SEMA5A: variants seen among roughly 807,000 people sequenced by gnomAD.
SEMA5A encodes the protein semaphorin-5A.
Under a neutral mutation model 135.5 loss-of-function variants are expected in SEMA5A, and 55 were observed. The ratio of observed to expected loss-of-function variants is 0.41; its 90% CI spans 0.33 to 0.51. The LOEUF (loss-of-function observed/expected upper bound fraction) is 0.51. Ranked by LOEUF, SEMA5A falls within the 20% of genes least tolerant of loss-of-function variation. The probability of loss-of-function intolerance (pLI) is 0.37; values close to 1 mark genes in which losing one functional copy is unlikely to be tolerated. For synonymous variants in SEMA5A, 580 were observed against 546.5 expected (o/e 1.06, Z -0.85); for missense variants, 1,290 against 1,419.9 (o/e 0.91, Z 1.47).
intron 4 of SEMA5A, among the ~76,000 whole-genome samples, chr5:9,327,786 G>T (rs1204549836): frequency 6.6e-6 from 1 of 152,048 alleles, no homozygotes; most frequent in Admixed American, 6.6e-5. Context: ...ATCTCTAAGT[G>T]CTGTGAGGAT....
In SEMA5A at chr5:9,121,139, G is replaced by T. The variant is rs59073334; in HGVS notation, c.1781+1517C>A. On this transcript the variant is annotated intron_variant, in intron 14 of 22. Coordinates refer to ENST00000382496, the MANE Select transcript of SEMA5A (RefSeq NM_003966.3). ...TATATGGAACATGTTTGTATATAGG[G>T]TAGTAACTAAATAAAAGTGTATATA... 4.9e-3 allele frequency among the ~76,000 whole-genome samples: 748 copies of T among 152,246 alleles called. 6 individuals are homozygous for T. Among genetic ancestry groups the T allele is most frequent in the East Asian group, 0.024 (123 of 5,190 alleles).
At chr5:9,076,309 A>G (rs566728780) in intron 16 of SEMA5A, among the ~76,000 whole-genome samples, 58 of 152,260 alleles carry the variant, frequency 3.8e-4, no homozygotes, top group South Asian at 1.2e-3. Context: ...AGGCCCCAAA[A>G]CACAAATATC....
chr5:9,430,079 T>C (rs1316045821), intron 2 of SEMA5A, among the ~76,000 whole-genome samples: 7 of 152,108 alleles, frequency 4.6e-5, no homozygotes, highest in Non-Finnish European at 1.0e-4. Context: ...TGGTAAGATA[T>C]TGGATATATG....
At chr5:9,180,997 T>G (rs1245755220) in intron 11 of SEMA5A, among the ~76,000 whole-genome samples, 1 of 152,176 alleles carries the variant, frequency 6.6e-6, no homozygotes, top group Admixed American at 6.5e-5. Flanking sequence ...CCTCTGTACT[T>G]AAAATGAGTT....
At chr5:9,362,686 A>T (rs569487883) in intron 3 of SEMA5A, among the ~76,000 whole-genome samples, 1 of 152,344 alleles carries the variant, frequency 6.6e-6, no homozygotes, top group African/African-American at 2.4e-5. Context: ...GAGTGAACAC[A>T]GTTAATGTAC....
rs1561176950 is a variant in SEMA5A at position 9,353,121 on chromosome 5, GGAAA to G, written c.125-15313_125-15310del. Among the ~76,000 whole-genome samples, 316 of 53,640 alleles carry G rather than the reference GGAAA, an allele frequency of 5.9e-3. 1 individual carries two copies. Among genetic ancestry groups the G allele is most frequent in the Non-Finnish European group, 6.5e-3 (192 of 29,440 alleles). The allele number at this position is 53,640 out of a possible 152,430, so 35.2% of individuals were successfully genotyped here. ...AGGAAGGAAAGGAAAGGAAAGGAAA[GGAAA>G]GGAAAGGAAAGGAAAGGAAAGGAAA... On this transcript the variant is annotated intron_variant, in intron 3 of 22. Transcript: ENST00000382496.
At chr5:9,149,380 A>G (rs1381012859) in intron 12 of SEMA5A, among the ~76,000 whole-genome samples, 2 of 152,212 alleles carry the variant, frequency 1.3e-5, no homozygotes, top group Non-Finnish European at 2.9e-5. Context: ...GCGGTGGCCT[A>G]TGCCTGTAAT....
At chr5:9,283,084 C>A (rs192239882) in intron 5 of SEMA5A, among the ~76,000 whole-genome samples, 3 of 152,326 alleles carry the variant, frequency 2.0e-5, no homozygotes, top group Admixed American at 2.0e-4. Flanking sequence ...TTTTAAGCCA[C>A]TGAGTATAGG....
At chr5:9,282,797 G>A (rs891959864) in intron 5 of SEMA5A, among the ~76,000 whole-genome samples, 4 of 152,086 alleles carry the variant, frequency 2.6e-5, no homozygotes, top group Non-Finnish European at 5.9e-5. Flanking sequence ...CCTAGTGGTA[G>A]GCAAAGTAGA....
At chr5:9,256,426 T>G (rs567985892) in intron 5 of SEMA5A, among the ~76,000 whole-genome samples, 1 of 152,148 alleles carries the variant, frequency 6.6e-6, no homozygotes, top group Non-Finnish European at 1.5e-5. Flanking sequence ...CACTGAGCTC[T>G]CTTTCCCAAA....
In SEMA5A at chr5:9,263,888, A is replaced by G. The variant is rs1041736275; in HGVS notation, c.271-25998T>C. ...TAGAAATAAATCTCAAAGTGCTCTG[A>G]TGACGTATCTTTTCTCAAACACACA... On this transcript the variant is annotated intron_variant, in intron 5 of 22. Transcript: ENST00000382496. Among the ~76,000 whole-genome samples the G allele has an allele frequency of 8.5e-5, 13 of 152,178 alleles. No individual in the cohort carries two copies. In the South Asian group the frequency reaches 2.7e-3, roughly 32 times the overall value.
intron 16 of SEMA5A, among the ~76,000 whole-genome samples, chr5:9,087,557 T>C (rs1738767448): frequency 6.6e-6 from 1 of 151,338 alleles, no homozygotes; most frequent in Non-Finnish European, 1.5e-5. Context: ...TTATTTTATA[T>C]TTATATTTAT....
At chr5:9,207,674 T>C (rs1366823630) in intron 8 of SEMA5A, among the ~76,000 whole-genome samples, 1 of 152,196 alleles carries the variant, frequency 6.6e-6, no homozygotes, top group African/African-American at 2.4e-5. Flanking sequence ...TTGTTTCCAT[T>C]GTCACAGTTT....
At chr5:9,088,637 A>ATATATATAT (rs1738846706) in intron 16 of SEMA5A, among the ~76,000 whole-genome samples, 4 of 108,108 alleles carry the variant, frequency 3.7e-5, no homozygotes, top group East Asian at 2.3e-4. Context: ...CTACATTTAT[A>ATATATATAT]ATATATATAT....
intron 8 of SEMA5A, among the ~76,000 whole-genome samples, chr5:9,221,342 A>T (rs183053930): frequency 8.0e-5 from 10 of 124,852 alleles, no homozygotes; most frequent in Admixed American, 5.2e-4. Flanking sequence ...TCGCTGTGTC[A>T]CCCAGGCTGG....
In SEMA5A at chr5:9,154,713, T is replaced by C; in HGVS notation, c.1274-18A>G. On this transcript the variant is annotated intron_variant, in intron 11 of 22. Coordinates refer to ENST00000382496, the MANE Select transcript of SEMA5A (RefSeq NM_003966.3). ...TCCGTAATCTATGAAGGTCACAGGA[T>C]GAAAAGGAAACAAGGTCAGAGGGTC... is the stretch of plus-strand genomic sequence containing the variant. The C allele has an allele frequency of 1.9e-6, 3 of 1,609,900 alleles. No individual in the cohort carries two copies. The highest frequency in any genetic ancestry group is 2.5e-6 in the Non-Finnish European group (3 of 1,176,578).
intron 10 of SEMA5A, among the ~76,000 whole-genome samples, chr5:9,196,650 C>T (rs1579588347): frequency 6.6e-6 from 1 of 152,142 alleles, no homozygotes; most frequent in African/African-American, 2.4e-5. Flanking sequence ...GAAGCTTGAA[C>T]CTCCTGCAGT....
At chr5:9,074,848 A>G (rs555666115) in intron 16 of SEMA5A, among the ~76,000 whole-genome samples, 78 of 152,338 alleles carry the variant, frequency 5.1e-4, no homozygotes, top group South Asian at 2.5e-3. Context: ...TCACAGTATC[A>G]GATGCTGAGG....
At chr5:9,344,214 C>T (rs952816063) in intron 3 of SEMA5A, among the ~76,000 whole-genome samples, 7 of 152,060 alleles carry the variant, frequency 4.6e-5, no homozygotes, top group Admixed American at 6.6e-5. Context: ...TCTTGTGAAG[C>T]GAGAGCTATC....
Sources: gnomAD v4.1 joint callset for allele counts (sites outside exome capture counted in the v4.1 genomes callset) on GRCh38, gnomAD v4.1.1 for gene constraint, MANE v1.5 for transcripts, NCBI Gene and HGNC (gene_info 2026-07-23, HGNC 2026-07-21) for gene names.